Variants in DBN1 observed in about 807,000 individuals in gnomAD.
The protein encoded by DBN1 is drebrin.
A neutral mutation model predicts 83.5 loss-of-function variants in DBN1; 21 were observed. The observed-to-expected ratio is 0.25, with a 90% CI of 0.18 to 0.36. The LOEUF (loss-of-function observed/expected upper bound fraction) is 0.36. Among genes scored for constraint, DBN1 ranks in the 10% least tolerant of loss-of-function variants. The pLI, the probability that DBN1 is intolerant of heterozygous loss-of-function variation, is 1.00. For missense variants in DBN1, 874 were observed against 935.7 expected (o/e 0.93, Z 0.86); for synonymous variants, 381 against 384.9 (o/e 0.99, Z 0.12).
intron 1 of DBN1, among the ~76,000 whole-genome samples, chr5:177,470,597 A>G (rs1341122996): frequency 6.6e-6 from 1 of 152,166 alleles, no homozygotes; most frequent in Non-Finnish European, 1.5e-5. Context: ...CCCTGACCCA[A>G]GCAGGGTTCT....
chr5:177,470,559 C>T (rs1181793958), intron 1 of DBN1, among the ~76,000 whole-genome samples: 1 of 152,196 alleles, frequency 6.6e-6, no homozygotes, highest in African/African-American at 2.4e-5. Flanking sequence ...CCTGTCCACA[C>T]CACACACTTG....
intron 10 of DBN1, 42 bp from the exon 11 acceptor site, chr5:177,459,782 G>C: frequency 7.0e-7 from 1 of 1,428,858 alleles, no homozygotes; most frequent in Non-Finnish European, 9.2e-7. Flanking sequence ...GAGGACAAGA[G>C]AGGGTCAGTC....
intron 2 of DBN1, chr5:177,468,573 T>G: frequency 2.3e-6 from 1 of 435,644 alleles, no homozygotes; most frequent in Non-Finnish European, 4.1e-6. Flanking sequence ...ATAGGGCCCT[T>G]CCCCCAAAGT....
chr5:177,468,780 G>A (rs1237219742), intron 2 of DBN1, 64 bp downstream of exon 2: 6 of 1,164,488 alleles, frequency 5.2e-6, no homozygotes, highest in Non-Finnish European at 6.8e-6. Context: ...CCAGGTGGGT[G>A]GGGAAGAAAA....
rs1305726668 is a variant in DBN1, at chr5:177,459,105, T to A, written c.1257A>T (p.Pro419=). The part of the protein sequence containing the change: ...QPPPLPPPPP[P]AQETQEPSPI... ...GTAGCATCCCTCTCTCACCTTGGGC[T>A]GGTGGGGGTGGCGGTGGCAGTGGTG... The change falls in exon 12 of 15, where the codon CCA becomes CCT. Residue 419 remains proline, a synonymous_variant. Coordinates refer to ENST00000393565, the MANE Select transcript of DBN1 (RefSeq NM_001363541.2). The A allele has an allele frequency of 3.7e-6, 6 of 1,607,404 alleles. No individual in the cohort carries two copies. The highest frequency in any genetic ancestry group is 5.1e-6 in the Non-Finnish European group (6 of 1,177,156).
intron 12 of DBN1, 78 bp from the exon 13 acceptor site, chr5:177,458,785 G>A (rs1037982359): frequency 3.0e-6 from 4 of 1,335,396 alleles, no homozygotes; most frequent in African/African-American, 1.5e-5. Context: ...CCACTAAGGA[G>A]TGAGGGAGCC....
intron 8 of DBN1, among the ~76,000 whole-genome samples, chr5:177,464,050 G>A (rs907525814): frequency 1.3e-5 from 2 of 151,916 alleles, no homozygotes; most frequent in Non-Finnish European, 2.9e-5. Flanking sequence ...AGGAGGCAGA[G>A]GTTGCAGTGA....
At position 177,467,876 on chromosome 5, in the gene DBN1, G is replaced by A; in HGVS notation, c.256-59C>T. 1 of 1,576,322 alleles carries A rather than the reference G, an allele frequency of 6.3e-7. No individual in the cohort carries two copies. Among genetic ancestry groups the A allele is most frequent in the Non-Finnish European group, 8.7e-7 (1 of 1,152,836 alleles). ...AGGACAAGGGGGGCCCTACACGATA[G>A]GGTGCATCTTCCCCGGGGTGGGAAG... On this transcript the variant is annotated intron_variant, in intron 3 of 14. Coordinates refer to ENST00000393565, the MANE Select transcript of DBN1 (RefSeq NM_001363541.2). This position sits in a 1 kb window ranked among gnomAD's most constrained non-coding sequence, Gnocchi z 9.1.
chr5:177,460,310 T>G, intron 10 of DBN1, 122 bp downstream of exon 10: 1 of 1,433,018 alleles, frequency 7.0e-7, no homozygotes, highest in Non-Finnish European at 9.7e-7. Context: ...GCACGCTGGA[T>G]GAAGGGTCTC....
chr5:177,461,211 G>T (rs1239515029), intron 8 of DBN1, among the ~76,000 whole-genome samples: 2 of 142,536 alleles, frequency 1.4e-5, no homozygotes, highest in Non-Finnish European at 3.0e-5. Context: ...CCATTCTCCT[G>T]CCTCAGCCTC....
At chr5:177,472,790 C>A in intron 1 of DBN1, 1 of 986,504 alleles carries the variant, frequency 1.0e-6, no homozygotes, top group South Asian at 4.6e-5. Context: ...GCCTCCTCCG[C>A]GACCCGCGGC....
rs1338985558 is a variant in DBN1, at chr5:177,473,620, C to G, written c.-99G>C. 1.3e-6 allele frequency: 1 copy of G among 745,810 alleles called. No homozygotes were observed. The highest frequency in any genetic ancestry group is 1.8e-6 in the Non-Finnish European group (1 of 559,600). 46.2% of individuals were successfully genotyped at this position (745,810 alleles called of 1,614,324 possible). On this transcript the variant is annotated 5_prime_UTR_variant, in exon 1 of 15. Transcript: ENST00000393565. ...GGGAGTCGCCGCCGCCGCCTCGGAG[C>G]CTCTGCAGCGTCGCGAGCCGAGCGA...
rs753526132 is a variant in DBN1, at chr5:177,468,890, G to A, written c.96C>T (p.Tyr32=). 11 of 1,316,032 alleles carry A rather than the reference G, an allele frequency of 8.4e-6. No individual in the cohort carries two copies. In the East Asian group the frequency reaches 8.4e-5, roughly 10 times the overall value. 81.5% of individuals were successfully genotyped at this position (1,316,032 alleles called of 1,614,324 possible). A position where few individuals can be genotyped will look rare whatever the true frequency, so the allele number is the denominator to read the frequency against. ...REESAADWAL[Y]TYEDGSDDLK... The stretch of plus-strand genomic sequence containing the variant: ...GGTCATCGGAGCCATCTTCATATGT[G>A]TACAGAGCCCTGGGGAGAGGGAGGG... The change falls in exon 2 of 15, where the codon TAC becomes TAT. Residue 32 remains tyrosine, a synonymous_variant. Transcript: ENST00000393565.
chr5:177,470,528 C>A (rs1409436181), intron 1 of DBN1, among the ~76,000 whole-genome samples: 1 of 152,160 alleles, frequency 6.6e-6, no homozygotes, highest in Non-Finnish European at 1.5e-5. Context: ...AACCCTCCAG[C>A]CTGCCTTTCC....
intron 8 of DBN1, among the ~76,000 whole-genome samples, chr5:177,461,192 G>A (rs1296514114): frequency 6.5e-5 from 9 of 138,316 alleles, no homozygotes; most frequent in East Asian, 2.2e-4. Context: ...TCCGCCTCCC[G>A]GGTTCACGCC....
In DBN1 at chr5:177,466,453, T is replaced by C. The variant is rs1231217035; in HGVS notation, c.771+319A>G. ...GCCTCACTCCTGTGGCCCCTCAGAG[T>C]GCAGAACAGTGTCTAATCGCCGAGA... On this transcript the variant is annotated intron_variant, in intron 8 of 14. Coordinates refer to ENST00000393565, the MANE Select transcript of DBN1 (RefSeq NM_001363541.2). This position sits in a 1 kb window ranked among gnomAD's most constrained non-coding sequence, Gnocchi z 4.8. Among the ~76,000 whole-genome samples, 2 of 151,992 alleles carry C rather than the reference T, an allele frequency of 1.3e-5. No homozygotes were observed. Among genetic ancestry groups the C allele is most frequent in the Non-Finnish European group, 2.9e-5 (2 of 67,984 alleles).
At chr5:177,461,852 A>G (rs878888854) in intron 8 of DBN1, among the ~76,000 whole-genome samples, 1 of 152,198 alleles carries the variant, frequency 6.6e-6, no homozygotes, top group Admixed American at 6.5e-5. Flanking sequence ...CACTGGCTAA[A>G]TATGACCCAC....
chr5:177,470,582 C>T lies in DBN1; in HGVS notation c.87-1683G>A, dbSNP rs149377362. ...CACCACACACTTGGGACACACTGGA[C>T]GGCTCCCTGACCCAAGCAGGGTTCT... On this transcript the variant is annotated intron_variant, in intron 1 of 14. Coordinates refer to ENST00000393565, the MANE Select transcript of DBN1 (RefSeq NM_001363541.2). 5.9e-3 allele frequency among the ~76,000 whole-genome samples: 894 copies of T among 152,310 alleles called. 7 individuals carry two copies. The highest frequency in any genetic ancestry group is 0.02 in the African/African-American group (841 of 41,558).
rs535924620 is a variant in DBN1, at chr5:177,472,333, C to T, written c.86+1103G>A. On this transcript the variant is annotated intron_variant, in intron 1 of 14. Coordinates refer to ENST00000393565, the MANE Select transcript of DBN1 (RefSeq NM_001363541.2). ...GCCCTCCTCTTTGCCTCAGTTTCCT[C>T]AAGAAGAACCTGTTCCCATCTGCCA... 3.3e-6 allele frequency: 5 copies of T among 1,513,996 alleles called. No homozygotes were observed. In the Middle Eastern group the frequency reaches 6.9e-4, roughly 208 times the overall value. The allele number at this position is 1,513,996 out of a possible 1,614,324, so 93.8% of individuals were successfully genotyped here. A position where few individuals can be genotyped will look rare whatever the true frequency, so the allele number is the denominator to read the frequency against.
Sources: gnomAD v4.1 joint callset for allele counts (sites outside exome capture counted in the v4.1 genomes callset) on GRCh38, gnomAD v4.1.1 for gene constraint, Gnocchi (gnomAD v3.1) non-coding constraint, MANE v1.5 for transcripts, NCBI Gene and HGNC (gene_info 2026-07-23, HGNC 2026-07-21) for gene names.